The following MYO9A variants were observed in gnomAD, a reference collection of about 807,000 sequenced individuals.
MYO9A encodes myosin IXA.
A neutral mutation model predicts 293.3 loss-of-function variants in MYO9A; 103 were observed. The ratio of observed to expected loss-of-function variants is 0.35; its 90% CI spans 0.30 to 0.41. The LOEUF (loss-of-function observed/expected upper bound fraction) is 0.41, where lower values mean the gene tolerates loss of function less well. Ranked by LOEUF, MYO9A falls within the 10% of genes least tolerant of loss-of-function variation. The pLI is 1.00. For missense variants in MYO9A, 2,685 were observed against 3,033.0 expected (o/e 0.89, Z 2.69); for synonymous variants, 1,001 against 1,035.7 (o/e 0.97, Z 0.64).
chr15:72,116,130 T>A (rs1315326784), intron 1 of MYO9A, among the ~76,000 whole-genome samples: 1 of 152,188 alleles, frequency 6.6e-6, no homozygotes, highest in Non-Finnish European at 1.5e-5. Flanking sequence ...CACATGAAGC[T>A]GGAAATAGTG....
intron 25 of MYO9A, among the ~76,000 whole-genome samples, chr15:71,895,413 C>A (rs1273128587): frequency 6.6e-6 from 1 of 152,162 alleles, no homozygotes; most frequent in Admixed American, 6.5e-5. Flanking sequence ...CACTACAGTA[C>A]AAAAGGGACA....
intron 9 of MYO9A, among the ~76,000 whole-genome samples, chr15:71,998,163 T>C (rs2076753679): frequency 6.6e-6 from 1 of 152,192 alleles, no homozygotes. Flanking sequence ...AACCACGTCC[T>C]TTGCAGGAAT....
intron 2 of MYO9A, among the ~76,000 whole-genome samples, chr15:72,038,108 G>C (rs2078112341): frequency 6.6e-6 from 1 of 151,952 alleles, no homozygotes; most frequent in Non-Finnish European, 1.5e-5. Context: ...TTTTTGTAGA[G>C]ACAGGGTCTC....
chr15:71,965,514 G>A (rs1262247763), intron 13 of MYO9A, among the ~76,000 whole-genome samples: 6 of 152,150 alleles, frequency 3.9e-5, no homozygotes, highest in African/African-American at 1.4e-4. Flanking sequence ...GGGAGGCCGA[G>A]GAGGGTGGAT....
At chr15:71,891,437 A>G (rs1596120394) in intron 26 of MYO9A, 1 of 152,252 alleles carries the variant, frequency 6.6e-6, no homozygotes, top group South Asian at 2.1e-4. Context: ...TCATAATGCC[A>G]AAGTTTTTCT....
chr15:71,863,079 C>CT (rs896203344), intron 32 of MYO9A, among the ~76,000 whole-genome samples: 14 of 151,916 alleles, frequency 9.2e-5, no homozygotes, highest in African/African-American at 3.4e-4. Flanking sequence ...GCGCCTACCA[C>CT]TACGCCTGGA....
intron 7 of MYO9A, among the ~76,000 whole-genome samples, chr15:72,008,320 C>T (rs1298441750): frequency 6.6e-6 from 1 of 152,102 alleles, no homozygotes; most frequent in African/African-American, 2.4e-5. Context: ...TCAGAATTGC[C>T]AAAGGAAAGG....
chr15:72,026,658 T>C (rs1026688191), intron 4 of MYO9A, among the ~76,000 whole-genome samples: 4 of 151,864 alleles, frequency 2.6e-5, no homozygotes, highest in Non-Finnish European at 4.4e-5. Flanking sequence ...AAACTAAAGA[T>C]CGGTTCTTTG....
At position 71,898,397 on chromosome 15, in the gene MYO9A, G is replaced by C; in HGVS notation, c.4106C>G (p.Ser1369Ter). ...PKISSSPKFD[S>*]RDNALSASNE... ...TGAGGCACTGAGGGCATTGTCCCGT[G>C]AATCAAATTTTGGACTGCTGGATAT... The change falls in exon 25 of 42, where the codon TCA (serine) becomes TGA (stop). Residue 1369 changes from serine (S) to a stop codon, truncating the protein, a stop_gained. Coordinates refer to ENST00000356056, the MANE Select transcript of MYO9A (RefSeq NM_006901.4). LOFTEE classifies it high-confidence loss of function. The C allele has an allele frequency of 6.2e-7, 1 of 1,613,650 alleles. No individual in the cohort carries two copies.
intron 14 of MYO9A, among the ~76,000 whole-genome samples, chr15:71,953,985 T>A (rs947540077): frequency 6.6e-6 from 1 of 151,900 alleles, no homozygotes; most frequent in African/African-American, 2.4e-5. Context: ...ACCCTCTGCA[T>A]CCCGGGTTCA....
intron 15 of MYO9A, among the ~76,000 whole-genome samples, chr15:71,947,700 G>A (rs995241063): frequency 6.6e-6 from 1 of 152,116 alleles, no homozygotes; most frequent in African/African-American, 2.4e-5. Flanking sequence ...ATTAAAGTAG[G>A]CACTGTCAGC....
chr15:72,000,154 C>T (rs1036660382), intron 8 of MYO9A, among the ~76,000 whole-genome samples: 1 of 152,166 alleles, frequency 6.6e-6, no homozygotes, highest in African/African-American at 2.4e-5. Flanking sequence ...TTAAAGTTTG[C>T]TTTCTGATCA....
chr15:71,950,145 A>G (rs2059019080), intron 15 of MYO9A: 1 of 152,168 alleles, frequency 6.6e-6, no homozygotes, highest in African/African-American at 2.4e-5. Flanking sequence ...ACTTGAATCT[A>G]CAGTTTTACG....
Position 71,978,059 on chromosome 15 carries a change from T to G in MYO9A, c.1844+112A>C, listed in dbSNP as rs573985096. ...CTCAAAAATAAATAAAAAAATAAAT[T>G]GTACAAAAAAAATTTGGCTCTTTAT... On this transcript the variant is annotated intron_variant, in intron 12 of 41. Transcript: ENST00000356056. 4.4e-5 allele frequency: 54 copies of G among 1,217,724 alleles called. 2 individuals are homozygous for G. In the South Asian group the frequency reaches 6.7e-4, roughly 15 times the overall value. 75.4% of individuals were successfully genotyped at this position (1,217,724 alleles called of 1,614,324 possible).
intron 2 of MYO9A, chr15:72,041,104 G>A (rs1355789446): frequency 3.7e-6 from 2 of 537,226 alleles, no homozygotes; most frequent in African/African-American, 3.9e-5. Context: ...AATTAGCCAG[G>A]TGTGGTGGTA....
At chr15:72,087,551 TGGGCACCAGGAACAAGTCCTGGTGCATA>T (rs972197838) in intron 1 of MYO9A, among the ~76,000 whole-genome samples, 1 of 152,172 alleles carries the variant, frequency 6.6e-6, no homozygotes, top group Non-Finnish European at 1.5e-5. Flanking sequence ...CTGGAGTCAC[TGGGCACCAGGAACAAGTCCTGGTGCATA>T]GTAGCCTTGT....
At chr15:71,940,520 G>T (rs1286714358) in intron 15 of MYO9A, among the ~76,000 whole-genome samples, 1 of 151,644 alleles carries the variant, frequency 6.6e-6, no homozygotes, top group African/African-American at 2.4e-5. Flanking sequence ...GGGGAGGAGG[G>T]GCGGAAATAG....
intron 1 of MYO9A, among the ~76,000 whole-genome samples, chr15:72,074,919 G>A (rs2079298703): frequency 6.8e-6 from 1 of 148,132 alleles, no homozygotes; most frequent in Non-Finnish European, 1.5e-5. Flanking sequence ...CTTTTCTCAG[G>A]AAGAAGCAGT....
At chr15:71,858,982 T>A (rs2055994939) in intron 34 of MYO9A, among the ~76,000 whole-genome samples, 1 of 152,372 alleles carries the variant, frequency 6.6e-6, no homozygotes, top group East Asian at 1.9e-4. Flanking sequence ...AGCTCCCTGA[T>A]GCTTGCCAAC....
Sources: gnomAD v4.1 joint callset for allele counts (sites outside exome capture counted in the v4.1 genomes callset) on GRCh38, gnomAD v4.1.1 for gene constraint, MANE v1.5 for transcripts, NCBI Gene and HGNC (gene_info 2026-07-23, HGNC 2026-07-21) for gene names.